FGF1: variants seen among roughly 807,000 people sequenced by gnomAD.
FGF1 encodes beta-endothelial cell growth factor.
Under a neutral mutation model 13.4 loss-of-function variants are expected in FGF1, and 9 were observed. That is an observed-to-expected ratio of 0.67 (90% confidence interval 0.40 to 1.17). The LOEUF is 1.17. Ranked by LOEUF, FGF1 falls within the 50% of genes most tolerant of loss-of-function variation. FGF1 has a pLI of 0.01. For missense variants in FGF1, 156 were observed against 192.7 expected, an observed-to-expected ratio of 0.81 and a Z score of 1.13; for synonymous variants, 93 against 79.0, an observed-to-expected ratio of 1.18 and a Z score of -0.94.
intron 1 of FGF1, among the ~76,000 whole-genome samples, chr5:142,634,696 C>G (rs916635632): frequency 1.3e-5 from 2 of 152,198 alleles, no homozygotes; most frequent in Admixed American, 6.5e-5. Flanking sequence ...TTATTAATGT[C>G]TTTCATCCTT....
chr5:142,643,187 C>T (rs1382473951), intron 1 of FGF1, among the ~76,000 whole-genome samples: 1 of 152,014 alleles, frequency 6.6e-6, no homozygotes, highest in Non-Finnish European at 1.5e-5. Flanking sequence ...ATATAATTCT[C>T]CCTTGAGGAA....
chr5:142,686,203 G>C (rs1561764174), upstream of FGF1: 2 of 152,358 alleles, frequency 1.3e-5, no homozygotes, highest in East Asian at 3.9e-4. Flanking sequence ...AATCGAGGTG[G>C]GGGGGGTGTA....
intron 1 of FGF1, among the ~76,000 whole-genome samples, chr5:142,620,644 G>C (rs1761392245): frequency 6.6e-6 from 1 of 152,168 alleles, no homozygotes; most frequent in Non-Finnish European, 1.5e-5. Flanking sequence ...CGCAATTATG[G>C]TGGGAGATTT....
chr5:142,625,292 G>A (rs6891362), intron 1 of FGF1, among the ~76,000 whole-genome samples: 14,567 of 145,236 alleles, frequency 0.1, 1,030 homozygotes, highest in African/African-American at 0.2. Context: ...ACTTCATAAC[G>A]AAGAGAGAGA....
At chr5:142,629,569 C>T (rs572159641) in intron 1 of FGF1, among the ~76,000 whole-genome samples, 2 of 152,228 alleles carry the variant, frequency 1.3e-5, no homozygotes, top group South Asian at 4.2e-4. Context: ...ACTTCCTTGT[C>T]CTCTATCTCA....
At chr5:142,660,595 G>A (rs529591635) in intron 1 of FGF1, among the ~76,000 whole-genome samples, 9 of 152,238 alleles carry the variant, frequency 5.9e-5, no homozygotes, top group South Asian at 2.1e-4. Context: ...ACACCCACTC[G>A]CCTTCTGATC....
intron 1 of FGF1, among the ~76,000 whole-genome samples, chr5:142,640,443 C>T (rs1765007958): frequency 6.8e-6 from 1 of 147,122 alleles, no homozygotes; most frequent in African/African-American, 2.5e-5. Context: ...GGGGGTCTCT[C>T]TGAGAAGCGG....
rs373763031 is a variant in FGF1 at position 142,600,817 on chromosome 5, A to G, written c.170-12T>C. ...GAGCTGCAGCTGAACTGGAATAAAA[A>G]TAACACGAGCAAAAGTAAATAAACA... On this transcript the variant is annotated splice_polypyrimidine_tract_variant and intron_variant, in intron 2 of 3. Transcript: ENST00000337706. 1.3e-6 allele frequency: 2 copies of G among 1,591,316 alleles called. No homozygotes were observed. Among genetic ancestry groups the G allele is most frequent in the Non-Finnish European group, 1.7e-6 (2 of 1,161,974 alleles).
At chr5:142,672,358 G>A (rs1008446751) in intron 1 of FGF1, among the ~76,000 whole-genome samples, 2 of 152,028 alleles carry the variant, frequency 1.3e-5, no homozygotes, top group Admixed American at 1.3e-4. Context: ...TAAACAAATA[G>A]ATGTTGAGCA....
intron 1 of FGF1, among the ~76,000 whole-genome samples, chr5:142,650,473 G>A (rs990438997): frequency 1.3e-5 from 2 of 152,062 alleles, no homozygotes; most frequent in Non-Finnish European, 2.9e-5. Flanking sequence ...TCGGCAGAAG[G>A]GTAGTAATTA....
At chr5:142,600,608 T>C (rs1230208160) in intron 3 of FGF1, 94 bp downstream of exon 3, 3 of 831,788 alleles carry the variant, frequency 3.6e-6, no homozygotes, top group Admixed American at 1.8e-5. Flanking sequence ...CAGAGACTAA[T>C]TGTTGCTTTA....
At chr5:142,688,445 C>A (rs372877863), upstream of FGF1, among the ~76,000 whole-genome samples, 1 of 152,108 alleles carries the variant, frequency 6.6e-6, no homozygotes, top group African/African-American at 2.4e-5. Context: ...ATGACCTAGT[C>A]GAAAAGTCTG....
chr5:142,691,525 A>G (rs1037025670), intron 2 of FGF1, among the ~76,000 whole-genome samples: 1 of 152,186 alleles, frequency 6.6e-6, no homozygotes, highest in Non-Finnish European at 1.5e-5. Context: ...TACCACATAC[A>G]CTGGAATACA....
In FGF1 at chr5:142,630,582, A is replaced by T. The variant is rs111521659; in HGVS notation, c.-34-16421T>A. On this transcript the variant is annotated intron_variant, in intron 1 of 3. Transcript: ENST00000337706. Reference sequence around the variant, plus strand: ...CTTACCATGGCCTATGAGACCCTGTATGGTCTGGCCTCACCTACGGCTCCT... The same window carrying T: ...CTTACCATGGCCTATGAGACCCTGTTTGGTCTGGCCTCACCTACGGCTCCT... Among the ~76,000 whole-genome samples the T allele has an allele frequency of 3.6e-4, 55 of 152,268 alleles. 1 individual carries two copies. Among genetic ancestry groups the T allele is most frequent in the African/African-American group, 1.2e-3 (51 of 41,574 alleles).
chr5:142,597,322 T>C (rs1477251330), intron 3 of FGF1, among the ~76,000 whole-genome samples: 4 of 152,204 alleles, frequency 2.6e-5, no homozygotes, highest in African/African-American at 9.7e-5. Flanking sequence ...CCAATGGTTA[T>C]AGGGGCAAGC....
intron 1 of FGF1, among the ~76,000 whole-genome samples, chr5:142,629,468 A>G (rs1259999116): frequency 6.6e-6 from 1 of 152,170 alleles, no homozygotes; most frequent in Non-Finnish European, 1.5e-5. Context: ...TGGGCTGCAA[A>G]AATTTTCATT....
Position 142,614,227 on chromosome 5 carries a change from G to C in FGF1, c.-34-66C>G, listed in dbSNP as rs1597124946. On this transcript the variant is annotated intron_variant, in intron 1 of 3. Transcript: ENST00000337706. Reference sequence around the variant, plus strand: ...AAAGGCACAAAATGCACTTTGAAGAGAGGAAGGACAGCTCCAGGGCACAGG... The same window carrying C: ...AAAGGCACAAAATGCACTTTGAAGACAGGAAGGACAGCTCCAGGGCACAGG... The C allele has an allele frequency of 1.9e-5, 25 of 1,308,906 alleles. No individual in the cohort carries two copies. The East Asian group carries it at 5.9e-4, about 31-fold the overall frequency. The allele number at this position is 1,308,906 out of a possible 1,614,324, so 81.1% of individuals were successfully genotyped here.
intron 1 of FGF1, among the ~76,000 whole-genome samples, chr5:142,637,076 T>C (rs937099666): frequency 6.6e-6 from 1 of 151,978 alleles, no homozygotes; most frequent in Non-Finnish European, 1.5e-5. Flanking sequence ...ATGGGCTAAA[T>C]GCTGTGTCCA....
chr5:142,694,038 T>TC (rs1752670042), intron 2 of FGF1, among the ~76,000 whole-genome samples: 2 of 152,066 alleles, frequency 1.3e-5, no homozygotes, highest in East Asian at 1.9e-4. Flanking sequence ...TGTTTTTTTT[T>TC]TCTCTTAAAG....
Sources: allele counts gnomAD v4.1 joint callset (sites outside exome capture counted in the v4.1 genomes callset), GRCh38; gene constraint gnomAD v4.1.1; transcripts MANE v1.5; gene names NCBI Gene and HGNC (gene_info 2026-07-23, HGNC 2026-07-21).